SDCCAG8: variants seen among roughly 807,000 people sequenced by gnomAD.
SDCCAG8 encodes the protein serologically defined colon cancer antigen 8.
In SDCCAG8, 74 loss-of-function variants were observed where a neutral mutation model predicts 101.8. The ratio of observed to expected loss-of-function variants is 0.73; its 90% CI spans 0.60 to 0.88. The LOEUF is 0.88. Among genes scored for constraint, SDCCAG8 ranks in the 40% least tolerant of loss-of-function variants. The pLI is 0.00. For missense variants in SDCCAG8, 787 were observed against 822.6 expected (o/e 0.96, Z 0.53); for synonymous variants, 281 against 292.9 (o/e 0.96, Z 0.41).
chr1:243,446,693 G>A (rs1238061844), intron 16 of SDCCAG8, among the ~76,000 whole-genome samples: 4 of 152,074 alleles, frequency 2.6e-5, no homozygotes, highest in Non-Finnish European at 5.9e-5. Context: ...TGGGCCAGTG[G>A]AGCTTTTATA....
chr1:243,270,326 C>T, intron 2 of SDCCAG8, 69 bp downstream of exon 2: 1 of 1,346,132 alleles, frequency 7.4e-7, no homozygotes, highest in Non-Finnish European at 1.1e-6. Context: ...AGAATAATAA[C>T]TCCATTCATT....
At chr1:243,431,053 TG>T (rs1288515735) in intron 16 of SDCCAG8, among the ~76,000 whole-genome samples, 1 of 151,774 alleles carries the variant, frequency 6.6e-6, no homozygotes, top group Non-Finnish European at 1.5e-5. Flanking sequence ...AAAAATTAGC[TG>T]TGTGTGGTGG....
intron 9 of SDCCAG8, among the ~76,000 whole-genome samples, chr1:243,324,522 G>A (rs549588230): frequency 2.1e-5 from 3 of 142,342 alleles, no homozygotes; most frequent in East Asian, 2.1e-4. Flanking sequence ...TCAGTGGTGC[G>A]GTCATATCTC....
intron 16 of SDCCAG8, among the ~76,000 whole-genome samples, chr1:243,470,898 A>G (rs1385239439): frequency 6.6e-6 from 1 of 152,180 alleles, no homozygotes; most frequent in East Asian, 1.9e-4. Context: ...ATCAACAAGC[A>G]AAAGAAAAAT....
chr1:243,369,736 G>A (rs1252425558), intron 12 of SDCCAG8, among the ~76,000 whole-genome samples: 1 of 152,110 alleles, frequency 6.6e-6, no homozygotes, highest in Non-Finnish European at 1.5e-5. Context: ...ATTGATGGCT[G>A]TCTTTTATAG....
chr1:243,347,442 A>G (rs912457613), intron 12 of SDCCAG8, among the ~76,000 whole-genome samples: 13 of 152,172 alleles, frequency 8.5e-5, no homozygotes, highest in Admixed American at 6.5e-5. Flanking sequence ...TTGTATGTCC[A>G]ATTTTCTGGT....
chr1:243,296,508 G>A (rs989413204), intron 6 of SDCCAG8, among the ~76,000 whole-genome samples: 2 of 122,532 alleles, frequency 1.6e-5, no homozygotes, highest in African/African-American at 6.1e-5. Context: ...GTTGAGCTTC[G>A]TCCCCCTGTA....
chr1:243,355,362 A>C (rs975757670), intron 12 of SDCCAG8, among the ~76,000 whole-genome samples: 2 of 151,382 alleles, frequency 1.3e-5, no homozygotes, highest in African/African-American at 2.4e-5. Context: ...CCCTCTCTCC[A>C]TGGTAATAAA....
intron 12 of SDCCAG8, among the ~76,000 whole-genome samples, chr1:243,361,434 G>A (rs978544185): frequency 6.6e-6 from 1 of 152,102 alleles, no homozygotes; most frequent in Non-Finnish European, 1.5e-5. Context: ...ACACATTTGC[G>A]AAAGCAAAAC....
intron 1 of SDCCAG8, among the ~76,000 whole-genome samples, chr1:243,265,743 G>T (rs1310197683): frequency 2.6e-5 from 4 of 151,938 alleles, no homozygotes; most frequent in Non-Finnish European, 1.5e-5. Flanking sequence ...AACCTGGGAG[G>T]CGGAGGTTGC....
At chr1:243,264,312 A>C (rs1263962197) in intron 1 of SDCCAG8, among the ~76,000 whole-genome samples, 2 of 152,198 alleles carry the variant, frequency 1.3e-5, no homozygotes, top group Non-Finnish European at 2.9e-5. Flanking sequence ...GGAAACTCTT[A>C]CTAAGAAAAT....
intron 16 of SDCCAG8, among the ~76,000 whole-genome samples, chr1:243,486,908 C>A (rs1018679185): frequency 6.8e-6 from 1 of 147,646 alleles, no homozygotes; most frequent in African/African-American, 2.6e-5. Context: ...CCATTCTTTT[C>A]GAGCAAGCAG....
At chr1:243,321,986 C>T (rs2073797044) in intron 9 of SDCCAG8, among the ~76,000 whole-genome samples, 1 of 152,194 alleles carries the variant, frequency 6.6e-6, no homozygotes, top group African/African-American at 2.4e-5. Context: ...CAGTGATGAA[C>T]ATTTGAGTTG....
At chr1:243,282,942 G>A (rs1484075971) in intron 4 of SDCCAG8, among the ~76,000 whole-genome samples, 2 of 152,054 alleles carry the variant, frequency 1.3e-5, no homozygotes, top group African/African-American at 4.8e-5. Context: ...TGCCTCCTGG[G>A]TTCAAGCAAT....
intron 13 of SDCCAG8, among the ~76,000 whole-genome samples, chr1:243,398,466 TA>T (rs1259111265): frequency 2.0e-5 from 3 of 152,192 alleles, no homozygotes; most frequent in Non-Finnish European, 4.4e-5. Flanking sequence ...ACCTGTATTT[TA>T]AAGTCATCTG....
At chr1:243,431,266 T>G (rs1482491212) in intron 16 of SDCCAG8, among the ~76,000 whole-genome samples, 3 of 152,196 alleles carry the variant, frequency 2.0e-5, no homozygotes, top group Non-Finnish European at 4.4e-5. Flanking sequence ...ATGCTTGGAC[T>G]GGAATGCTAA....
chr1:243,429,421 AT>A (rs71668525), intron 16 of SDCCAG8, among the ~76,000 whole-genome samples: 26,748 of 151,964 alleles, frequency 0.18, 2,591 homozygotes, highest in African/African-American at 0.25. Flanking sequence ...TTATGCATGG[AT>A]TTTTTGACTG....
intron 13 of SDCCAG8, among the ~76,000 whole-genome samples, chr1:243,388,789 G>A (rs563275262): frequency 6.6e-6 from 1 of 151,616 alleles, no homozygotes; most frequent in African/African-American, 2.4e-5. Flanking sequence ...GGTGGTGCGC[G>A]CCTGGGTCCT....
At chr1:243,421,798 C>T (rs2081027591) in intron 15 of SDCCAG8, among the ~76,000 whole-genome samples, 2 of 152,132 alleles carry the variant, frequency 1.3e-5, no homozygotes, top group Admixed American at 6.5e-5. Flanking sequence ...TCTGTATTCC[C>T]CAGTACTCTG....
Sources: gnomAD v4.1 joint callset for allele counts (sites outside exome capture counted in the v4.1 genomes callset) on GRCh38, gnomAD v4.1.1 for gene constraint, MANE v1.5 for transcripts, NCBI Gene and HGNC (gene_info 2026-07-23, HGNC 2026-07-21) for gene names.